The following DCC variants were observed in gnomAD, a reference collection of about 807,000 sequenced individuals.
DCC encodes DCC netrin 1 receptor, also known as netrin receptor DCC.
In DCC, 58 loss-of-function variants were observed where a neutral mutation model predicts 172.5. That is an observed-to-expected ratio of 0.34 (90% CI 0.27 to 0.42). The LOEUF is 0.42. Ranked by LOEUF, DCC falls within the 10% of genes least tolerant of loss-of-function variation. The pLI is 1.00. For missense variants in DCC, 1,740 were observed against 1,791.0 expected (o/e 0.97, Z 0.51); for synonymous variants, 709 against 644.5 (o/e 1.10, Z -1.52).
chr18:53,285,036 T>A (rs911277922), intron 12 of DCC, among the ~76,000 whole-genome samples: 2 of 152,042 alleles, frequency 1.3e-5, no homozygotes, highest in Admixed American at 6.6e-5. Flanking sequence ...ACTTGGCTGC[T>A]CTCAAAGGCA....
At chr18:53,407,088 A>G (rs977028788) in intron 19 of DCC, among the ~76,000 whole-genome samples, 1 of 152,186 alleles carries the variant, frequency 6.6e-6, no homozygotes, top group Non-Finnish European at 1.5e-5. Flanking sequence ...TTAAGTGAAT[A>G]ATTTTACATA....
intron 21 of DCC, among the ~76,000 whole-genome samples, chr18:53,428,384 T>TAC (rs1491319523): frequency 1.1e-5 from 1 of 87,364 alleles, no homozygotes; most frequent in African/African-American, 4.6e-5. Flanking sequence ...TATAATATAT[T>TAC]GTATATAATA....
intron 5 of DCC, among the ~76,000 whole-genome samples, chr18:53,007,564 T>A (rs2041664627): frequency 6.6e-6 from 1 of 152,042 alleles, no homozygotes; most frequent in Non-Finnish European, 1.5e-5. Flanking sequence ...CAGTGACAAG[T>A]TACAGGCTTG....
At chr18:52,813,790 TCTGC>T (rs2038241743) in intron 2 of DCC, among the ~76,000 whole-genome samples, 1 of 152,232 alleles carries the variant, frequency 6.6e-6, no homozygotes, top group Non-Finnish European at 1.5e-5. Context: ...CAATGAAAAC[TCTGC>T]CTGCCTAACT....
intron 21 of DCC, among the ~76,000 whole-genome samples, chr18:53,421,768 G>T (rs930324668): frequency 1.3e-5 from 2 of 152,112 alleles, no homozygotes; most frequent in African/African-American, 4.8e-5. Context: ...TTATCTTTTG[G>T]TTTCTTTCAA....
intron 25 of DCC, among the ~76,000 whole-genome samples, chr18:53,475,335 C>A (rs997230908): frequency 6.6e-6 from 1 of 152,172 alleles, no homozygotes; most frequent in Non-Finnish European, 1.5e-5. Context: ...GGAAATGTTT[C>A]CAGGGCATGT....
chr18:52,885,708 C>T (rs145839947), intron 2 of DCC, among the ~76,000 whole-genome samples: 31 of 152,234 alleles, frequency 2.0e-4, no homozygotes, highest in African/African-American at 6.5e-4. Flanking sequence ...ACTTTTCCCT[C>T]TGCTTTCCTC....
intron 25 of DCC, among the ~76,000 whole-genome samples, chr18:53,477,680 T>C (rs2045782490): frequency 6.6e-6 from 1 of 152,218 alleles, no homozygotes; most frequent in Non-Finnish European, 1.5e-5. Flanking sequence ...ATTTTGGCTC[T>C]TAAAACTCAC....
At chr18:53,182,712 T>G (rs2144490644) in intron 9 of DCC, among the ~76,000 whole-genome samples, 1 of 152,296 alleles carries the variant, frequency 6.6e-6, no homozygotes, top group South Asian at 2.1e-4. Flanking sequence ...AGCACTTACT[T>G]CATCTTCTCC....
intron 9 of DCC, among the ~76,000 whole-genome samples, chr18:53,184,862 ATAAAT>A (rs1457311693): frequency 6.6e-6 from 1 of 152,198 alleles, no homozygotes; most frequent in Non-Finnish European, 1.5e-5. Context: ...GTATGGTTAC[ATAAAT>A]TAAGCAAACT....
chr18:53,096,807 A>T (rs959503759), intron 7 of DCC, among the ~76,000 whole-genome samples: 1 of 152,178 alleles, frequency 6.6e-6, no homozygotes, highest in African/African-American at 2.4e-5. Context: ...GATAATTATT[A>T]TTATGATCCT....
At chr18:52,470,046 G>C (rs956547892) in intron 1 of DCC, among the ~76,000 whole-genome samples, 9 of 152,202 alleles carry the variant, frequency 5.9e-5, no homozygotes, top group Non-Finnish European at 1.2e-4. Context: ...GTTGATTATA[G>C]GACATTGCCT....
chr18:52,411,586 C>T (rs1986844334), intron 1 of DCC, among the ~76,000 whole-genome samples: 1 of 152,178 alleles, frequency 6.6e-6, no homozygotes, highest in Non-Finnish European at 1.5e-5. Flanking sequence ...CTACCTACTT[C>T]TGGCTATAAG....
intron 1 of DCC, among the ~76,000 whole-genome samples, chr18:52,508,024 CTG>C (rs1365971028): frequency 6.6e-6 from 1 of 152,048 alleles, no homozygotes; most frequent in Non-Finnish European, 1.5e-5. Flanking sequence ...TTACTTGAAC[CTG>C]GAAGCGGAGG....
intron 7 of DCC, among the ~76,000 whole-genome samples, chr18:53,109,039 T>C (rs775386636): frequency 2.6e-5 from 4 of 151,214 alleles, no homozygotes; most frequent in Admixed American, 6.6e-5. Context: ...CTTATAAGAG[T>C]TGCAATTACT....
intron 1 of DCC, among the ~76,000 whole-genome samples, chr18:52,603,168 T>C (rs902051514): frequency 5.3e-5 from 8 of 152,016 alleles, no homozygotes; most frequent in Admixed American, 5.3e-4. Flanking sequence ...GGATGGAGAC[T>C]GAAAAGCTGA....
At chr18:53,089,749 A>G (rs56229265) in intron 7 of DCC, among the ~76,000 whole-genome samples, 23,619 of 152,120 alleles carry the variant, frequency 0.16, 2,297 homozygotes, top group African/African-American at 0.27. Context: ...CTAACTTTCT[A>G]AGTGCTTTGA....
At chr18:53,480,539 T>C (rs542297460) in intron 25 of DCC, among the ~76,000 whole-genome samples, 2 of 152,346 alleles carry the variant, frequency 1.3e-5, no homozygotes, top group South Asian at 4.1e-4. Flanking sequence ...TTTTCAAATG[T>C]AAGACAGGAT....
At chr18:53,043,117 C>T (rs1224432215) in intron 5 of DCC, among the ~76,000 whole-genome samples, 1 of 151,940 alleles carries the variant, frequency 6.6e-6, no homozygotes, top group East Asian at 1.9e-4. Context: ...CACATATACA[C>T]CATGGAATAC....
Sources: gnomAD v4.1 joint callset for allele counts (sites outside exome capture counted in the v4.1 genomes callset) on GRCh38, gnomAD v4.1.1 for gene constraint, MANE v1.5 for transcripts, NCBI Gene and HGNC (gene_info 2026-07-23, HGNC 2026-07-21) for gene names.